ADAMTS19: variants seen among roughly 807,000 people sequenced by gnomAD.
The protein encoded by ADAMTS19 is A disintegrin and metalloproteinase with thrombospondin motifs 19.
ADAMTS19 carries 93 observed loss-of-function variants against 153.3 expected under a neutral mutation model. The observed-to-expected ratio is 0.61, with a 90% CI of 0.51 to 0.72. The LOEUF (loss-of-function observed/expected upper bound fraction) is 0.72, where lower values mean the gene tolerates loss of function less well. ADAMTS19 is among the 30% of genes least tolerant of loss of function. ADAMTS19 has a pLI of 0.00. For missense variants in ADAMTS19, 1,482 were observed against 1,552.1 expected (o/e 0.95, Z 0.76); for synonymous variants, 600 against 556.6 (o/e 1.08, Z -1.10).
intron 12 of ADAMTS19, among the ~76,000 whole-genome samples, chr5:129,648,456 C>T (rs778066029): frequency 8.5e-5 from 13 of 152,132 alleles, no homozygotes; most frequent in Non-Finnish European, 1.0e-4. Flanking sequence ...TATGTAAAAA[C>T]ACCTCCTTAA....
At chr5:129,532,093 G>C (rs1172352788) in intron 6 of ADAMTS19, among the ~76,000 whole-genome samples, 1 of 152,030 alleles carries the variant, frequency 6.6e-6, no homozygotes, top group Non-Finnish European at 1.5e-5. Context: ...TGAACAAGAG[G>C]AGGGCAATGA....
intron 17 of ADAMTS19, among the ~76,000 whole-genome samples, chr5:129,682,072 A>G (rs76901291): frequency 0.013 from 1,963 of 152,228 alleles, 25 homozygotes; most frequent in Middle Eastern, 0.037. Flanking sequence ...TTAAAACACT[A>G]TATGTGAGAC....
chr5:129,495,519 G>A (rs1457106478), intron 2 of ADAMTS19, among the ~76,000 whole-genome samples: 5 of 152,078 alleles, frequency 3.3e-5, no homozygotes, highest in Admixed American at 2.6e-4. Flanking sequence ...AGGGTATATA[G>A]TTATGGTGAG....
intron 2 of ADAMTS19, among the ~76,000 whole-genome samples, chr5:129,473,540 T>C (rs892279304): frequency 6.6e-6 from 1 of 152,116 alleles, no homozygotes; most frequent in Non-Finnish European, 1.5e-5. Context: ...ATGGAAATAA[T>C]ATTTGTATAT....
chr5:129,673,673 C>T (rs1754413132), intron 16 of ADAMTS19, among the ~76,000 whole-genome samples: 1 of 152,062 alleles, frequency 6.6e-6, no homozygotes, highest in Non-Finnish European at 1.5e-5. Context: ...CTTCTATATT[C>T]TTACTGATAC....
intron 6 of ADAMTS19, among the ~76,000 whole-genome samples, chr5:129,544,723 G>A (rs1752793139): frequency 1.3e-5 from 2 of 152,146 alleles, no homozygotes; most frequent in African/African-American, 4.8e-5. Context: ...TAATGAGTCT[G>A]TGCAAAGTGG....
At position 129,552,081 on chromosome 5, in the gene ADAMTS19, A is replaced by G. The variant is rs182452095; in HGVS notation, c.1372+174A>G. Among the ~76,000 whole-genome samples, 709 of 152,060 alleles carry G rather than the reference A, an allele frequency of 4.7e-3. 9 individuals carry two copies. The highest frequency in any genetic ancestry group is 0.016 in the African/African-American group (678 of 41,556). ...TTGTCAGCACTTCAGTGTAAAAGACATGTATCAACTATATATATTGGAGAC... is the reference window on the plus strand; with the variant it reads ...TTGTCAGCACTTCAGTGTAAAAGACGTGTATCAACTATATATATTGGAGAC... On this transcript the variant is annotated intron_variant, in intron 7 of 22. Coordinates refer to ENST00000274487, the MANE Select transcript of ADAMTS19 (RefSeq NM_133638.6).
chr5:129,535,675 C>A (rs950769635), intron 6 of ADAMTS19, among the ~76,000 whole-genome samples: 8 of 152,172 alleles, frequency 5.3e-5, no homozygotes, highest in African/African-American at 1.9e-4. Context: ...TACAAGGCTA[C>A]AGTAACCAAA....
chr5:129,716,967 A>G (rs1286780517), intron 21 of ADAMTS19, among the ~76,000 whole-genome samples: 1 of 152,194 alleles, frequency 6.6e-6, no homozygotes, highest in Non-Finnish European at 1.5e-5. Flanking sequence ...CTCACGCCTG[A>G]GCAGTTTTTA....
rs928441053 is a variant in ADAMTS19 at position 129,652,504 on chromosome 5, C to A, written c.2177-1802C>A. Among the ~76,000 whole-genome samples the A allele has an allele frequency of 2.6e-5, 4 of 152,134 alleles. No individual in the cohort carries two copies. In the East Asian group the frequency reaches 5.8e-4, roughly 22 times the overall value. On this transcript the variant is annotated intron_variant, in intron 13 of 22. Transcript: ENST00000274487. ...GCTGAAATCCATGTCTATTGCATAT[C>A]TTGGAAAGAGTTGGTCTCTTAAATC...
chr5:129,641,235 C>A (rs1251893487), intron 10 of ADAMTS19, among the ~76,000 whole-genome samples: 2 of 152,116 alleles, frequency 1.3e-5, no homozygotes, highest in Non-Finnish European at 2.9e-5. Flanking sequence ...CATGTTTCAG[C>A]TGCCTTATCC....
chr5:129,510,994 C>T (rs1280444542), intron 3 of ADAMTS19, among the ~76,000 whole-genome samples: 1 of 151,420 alleles, frequency 6.6e-6, no homozygotes, highest in African/African-American at 2.4e-5. Context: ...TTTTCAGATG[C>T]TTTTTGAGGG....
chr5:129,485,947 C>T (rs114249935), intron 2 of ADAMTS19, among the ~76,000 whole-genome samples: 74 of 152,140 alleles, frequency 4.9e-4, no homozygotes, highest in African/African-American at 1.7e-3. Flanking sequence ...CCCACCACCA[C>T]GCCTGAACAA....
Position 129,647,792 on chromosome 5 carries a change from AG to A in ADAMTS19, c.1902del (p.Thr635ProfsTer35). On this transcript the variant is annotated frameshift_variant, in exon 12 of 23. Coordinates refer to ENST00000274487, the MANE Select transcript of ADAMTS19 (RefSeq NM_133638.6). LOFTEE classifies it high-confidence loss of function. ...GTGTAAGGCTGGAGAATGTACCAGCAGGACCTCAGCACCTGAACATCTGGCC... is the reference window on the plus strand; with the variant it reads ...GTGTAAGGCTGGAGAATGTACCAGCAGACCTCAGCACCTGAACATCTGGCC... ...KWCKAGECTS[R>X]TSAPEHLAGE... is the part of the protein sequence containing the mutation. The A allele has an allele frequency of 6.2e-7, 1 of 1,614,136 alleles. No individual in the cohort carries two copies. Among genetic ancestry groups the A allele is most frequent in the Non-Finnish European group, 8.5e-7 (1 of 1,179,970 alleles).
intron 21 of ADAMTS19, among the ~76,000 whole-genome samples, chr5:129,721,262 A>G (rs1359991469): frequency 6.6e-6 from 1 of 152,224 alleles, no homozygotes; most frequent in Non-Finnish European, 1.5e-5. Flanking sequence ...ATTCAACTAT[A>G]TCATAAAAGG....
At chr5:129,549,097 A>G (rs1752970603) in intron 6 of ADAMTS19, among the ~76,000 whole-genome samples, 1 of 150,722 alleles carries the variant, frequency 6.6e-6, no homozygotes, top group South Asian at 2.1e-4. Flanking sequence ...TAATGGGTGC[A>G]GCACAGCAAC....
At chr5:129,667,045 GTCCTGTTTCCTGTC>G (rs1196370446) in intron 16 of ADAMTS19, among the ~76,000 whole-genome samples, 1 of 152,140 alleles carries the variant, frequency 6.6e-6, no homozygotes, top group Non-Finnish European at 1.5e-5. Flanking sequence ...AACCAATCCA[GTCCTGTTTCCTGTC>G]TCCCTCTACA....
In ADAMTS19 at chr5:129,567,897, G is replaced by A. The variant is rs538837804; in HGVS notation, c.1372+15990G>A. On this transcript the variant is annotated intron_variant, in intron 7 of 22. Transcript: ENST00000274487. ...AATCAAACTGCTGAAAGCTAAAGACGAACTAAAAATGACACCAAAAAACAA... is the reference window on the plus strand; with the variant it reads ...AATCAAACTGCTGAAAGCTAAAGACAAACTAAAAATGACACCAAAAAACAA... Among the ~76,000 whole-genome samples, 209 of 152,046 alleles carry A rather than the reference G, an allele frequency of 1.4e-3. 1 individual carries two copies. Among genetic ancestry groups the A allele is most frequent in the Non-Finnish European group, 2.4e-3 (166 of 67,976 alleles).
At chr5:129,467,461 C>A (rs1178214536) in intron 2 of ADAMTS19, among the ~76,000 whole-genome samples, 1 of 152,114 alleles carries the variant, frequency 6.6e-6, no homozygotes, top group Non-Finnish European at 1.5e-5. Flanking sequence ...AAGGACCAAC[C>A]ACAAAACTCA....
Sources: gnomAD v4.1 joint callset for allele counts (sites outside exome capture counted in the v4.1 genomes callset) on GRCh38, gnomAD v4.1.1 for gene constraint, MANE v1.5 for transcripts, NCBI Gene and HGNC (gene_info 2026-07-23, HGNC 2026-07-21) for gene names.